Variants in TGFB3 observed in about 807,000 individuals in gnomAD.
TGFB3 encodes the protein transforming growth factor beta-3 proprotein.
In TGFB3, 5 loss-of-function variants were observed where a neutral mutation model predicts 40.1. The observed-to-expected ratio is 0.12, with a 90% CI of 0.07 to 0.26. The LOEUF (loss-of-function observed/expected upper bound fraction) is 0.26. Ranked by LOEUF, TGFB3 falls within the 10% of genes least tolerant of loss-of-function variation. TGFB3 has a pLI of 1.00. For missense variants in TGFB3, 373 were observed against 530.1 expected, an observed-to-expected ratio of 0.70 and a Z score of 2.91; for synonymous variants, 184 against 205.6, an observed-to-expected ratio of 0.89 and a Z score of 0.90.
In TGFB3 at chr14:75,971,678, A is replaced by C; in HGVS notation, c.393T>G (p.Val131=). Residue 131 remains valine (V), a synonymous_variant, in exon 2 of 7, where the codon GTT becomes GTG. Transcript: ENST00000238682. This position sits in a 1 kb window ranked among gnomAD's most constrained non-coding sequence, Gnocchi z 4.5. ...AVCPKGITSK[V]FRFNVSSVEK... is the part of the protein sequence containing the mutation. ...CCACTGAGGACACATTGAAGCGGAA[A>C]ACCTTGGAGGTAATTCCTTTAGGGC... 2 of 1,614,266 alleles carry C rather than the reference A, an allele frequency of 1.2e-6. No homozygotes were observed. The highest frequency in any genetic ancestry group is 4.5e-5 in the East Asian group (2 of 44,892).
At chr14:75,961,206 G>C in intron 5 of TGFB3, 130 bp from the exon 6 acceptor site, 1 of 1,057,282 alleles carries the variant, frequency 9.5e-7, no homozygotes, top group South Asian at 1.4e-5. Context: ...GGAATCCCAG[G>C]TTCAAGGGCA....
intron 4 of TGFB3, 110 bp downstream of exon 4, chr14:75,965,478 G>T: frequency 1.1e-6 from 1 of 908,848 alleles, no homozygotes; most frequent in Non-Finnish European, 1.8e-6. Context: ...CTATCTCTCT[G>T]AAGGAGCTTG....
Position 75,958,998 on chromosome 14 carries a change from C to A in TGFB3, c.*189G>T. On this transcript the variant is annotated 3_prime_UTR_variant, in exon 7 of 7. Coordinates refer to ENST00000238682, the MANE Select transcript of TGFB3 (RefSeq NM_003239.5). ...CTAACCAAACCCACACTTTCTTTAC[C>A]ACCGTGATTCTCAGAGCCAGCAAGA... The A allele has an allele frequency of 1.4e-6, 1 of 700,822 alleles. No individual in the cohort carries two copies. Among genetic ancestry groups the A allele is most frequent in the South Asian group, 1.6e-5 (1 of 61,260 alleles). 43.4% of individuals were successfully genotyped at this position (700,822 alleles called of 1,614,324 possible).
intron 4 of TGFB3, among the ~76,000 whole-genome samples, chr14:75,964,093 C>T (rs2035192874): frequency 6.6e-6 from 1 of 152,168 alleles, no homozygotes; most frequent in Non-Finnish European, 1.5e-5. Flanking sequence ...CCAGGCTGGT[C>T]TCGAACTCCT....
chr14:75,958,833 C>A lies in TGFB3; in HGVS notation c.*354G>T, dbSNP rs1259311155. On this transcript the variant is annotated 3_prime_UTR_variant, in exon 7 of 7. Transcript: ENST00000238682. Reference sequence around the variant, plus strand: ...CCAGTCTGGCCCTGACCCAGCCATTCTCTGCCCTTCCTTCTCCCTTTAGGG... The same window carrying A: ...CCAGTCTGGCCCTGACCCAGCCATTATCTGCCCTTCCTTCTCCCTTTAGGG... 5 of 361,616 alleles carry A rather than the reference C, an allele frequency of 1.4e-5. No homozygotes were observed. The highest frequency in any genetic ancestry group is 2.2e-5 in the Non-Finnish European group (4 of 185,856). 22.4% of individuals were successfully genotyped at this position (361,616 alleles called of 1,614,324 possible). A position where few individuals can be genotyped will look rare whatever the true frequency, so the allele number is the denominator to read the frequency against.
intron 1 of TGFB3, among the ~76,000 whole-genome samples, chr14:75,976,824 C>G (rs371043474): frequency 2.9e-4 from 44 of 152,268 alleles, no homozygotes; most frequent in African/African-American, 1.0e-3. Flanking sequence ...GCATTTCCTG[C>G]CGGGTCTCTG....
chr14:75,975,165 C>T (rs543243173), intron 1 of TGFB3, among the ~76,000 whole-genome samples: 15 of 150,074 alleles, frequency 1.0e-4, no homozygotes, highest in Non-Finnish European at 1.6e-4. Flanking sequence ...GTCAGGAGTT[C>T]GAGACCAGCC....
In TGFB3 at chr14:75,963,473, C is replaced by A. The variant is rs2035184083; in HGVS notation, c.769G>T (p.Asp257Tyr). The A allele has an allele frequency of 5.0e-6, 8 of 1,614,044 alleles. No homozygotes were observed. Among genetic ancestry groups the A allele is most frequent in the African/African-American group, 1.3e-5 (1 of 74,922 alleles). Residue 257 changes from aspartate (D) to tyrosine (Y), a missense_variant, in exon 5 of 7, where the codon GAT (aspartate) becomes TAT (tyrosine). By Grantham distance (160) the Asp-to-Tyr change is radical (BLOSUM62 -3). Coordinates refer to ENST00000238682, the MANE Select transcript of TGFB3 (RefSeq NM_003239.5). ...EIKFKGVDNE[D>Y]DHGRGDLGRL... ...CCCAGATCTCCACGGCCATGGTCAT[C>A]CTCATTGTCCACGCCTGAAGAAGGG...
In TGFB3 at chr14:75,958,452, G is replaced by C. The variant is rs915524065; in HGVS notation, c.*735C>G. The C allele has an allele frequency of 6.5e-6, 1 of 153,488 alleles. No individual in the cohort carries two copies. The highest frequency in any genetic ancestry group is 1.5e-5 in the Non-Finnish European group (1 of 68,818). 9.5% of individuals were successfully genotyped at this position (153,488 alleles called of 1,614,324 possible). ...CAAGTGTCCAAGGGGAAATATGATCGAGGGAGAGGTGAGAGGAGGGACCCA... is the reference window on the plus strand; with the variant it reads ...CAAGTGTCCAAGGGGAAATATGATCCAGGGAGAGGTGAGAGGAGGGACCCA... On this transcript the variant is annotated 3_prime_UTR_variant, in exon 7 of 7. Transcript: ENST00000238682.
intron 6 of TGFB3, among the ~76,000 whole-genome samples, chr14:75,960,677 G>A (rs565887099): frequency 4.4e-4 from 67 of 152,218 alleles, no homozygotes; most frequent in Admixed American, 1.2e-3. Context: ...TAATTTCTAC[G>A]GTACAGAGAG....
intron 5 of TGFB3, 115 bp downstream of exon 5, chr14:75,963,201 T>C (rs757256706): frequency 1.9e-5 from 22 of 1,165,558 alleles, no homozygotes; most frequent in Admixed American, 1.6e-4. Flanking sequence ...CCTGGAGATG[T>C]TTGTGAATAG....
Position 75,980,945 on chromosome 14 carries a change from G to T in TGFB3, c.-52C>A. 1 of 1,538,496 alleles carries T rather than the reference G, an allele frequency of 6.5e-7. No homozygotes were observed. Among genetic ancestry groups the T allele is most frequent in the South Asian group, 1.1e-5 (1 of 89,382 alleles). On this transcript the variant is annotated 5_prime_UTR_variant, in exon 1 of 7. Transcript: ENST00000238682. This position sits in a 1 kb window ranked among gnomAD's most constrained non-coding sequence, Gnocchi z 4.3. ...GGACGGCAAGGCCTGGAGAGGAAGA[G>T]ACCCCAGCAGACGTGCAGAAGGAGG...
At position 75,980,759 on chromosome 14, in the gene TGFB3, T is replaced by A. The variant is rs759608485; in HGVS notation, c.135A>T (p.Gly45=). ...TGAGCCTGAGCTTGCTCAAGATCTG[T>A]CCCCTAATGGCTTCCACCCTCTTCT... ...IKKKRVEAIR[G]QILSKLRLTS... The change falls in exon 1 of 7, where the codon GGA becomes GGT. Residue 45 remains glycine, a synonymous_variant. Coordinates refer to ENST00000238682, the MANE Select transcript of TGFB3 (RefSeq NM_003239.5). The surrounding 1 kb of genome is among the most constrained non-coding windows in gnomAD (Gnocchi z 4.3). 2 of 1,614,122 alleles carry A rather than the reference T, an allele frequency of 1.2e-6. No individual in the cohort carries two copies. Among genetic ancestry groups the A allele is most frequent in the Non-Finnish European group, 1.7e-6 (2 of 1,180,022 alleles).
intron 1 of TGFB3, among the ~76,000 whole-genome samples, chr14:75,973,669 C>A (rs1236716464): frequency 6.6e-6 from 1 of 152,222 alleles, no homozygotes; most frequent in East Asian, 1.9e-4. Context: ...ATCACTTGAG[C>A]TCGGGAGGTC....
chr14:75,981,194 G>GGGCTGGGAGGGGTGGCAAGGC lies in TGFB3; in HGVS notation c.-322_-302dup, dbSNP rs1377280068. On this transcript the variant is annotated 5_prime_UTR_variant, in exon 1 of 7. Coordinates refer to ENST00000238682, the MANE Select transcript of TGFB3 (RefSeq NM_003239.5). The surrounding 1 kb of genome is among the most constrained non-coding windows in gnomAD (Gnocchi z 4.7). Reference sequence around the variant, plus strand: ...GCAGGCCAGGTGGAGGGCAAGCAGAGGGCTGGGAGGGGTGGCAAGGCAGCT... The same window carrying GGGCTGGGAGGGGTGGCAAGGC: ...GCAGGCCAGGTGGAGGGCAAGCAGAGGGCTGGGAGGGGTGGCAAGGCGGCTGGGAGGGGTGGCAAGGCAGCT... 4.5e-6 allele frequency: 2 copies of GGGCTGGGAGGGGTGGCAAGGC among 444,002 alleles called. No individual in the cohort carries two copies. Among genetic ancestry groups the GGGCTGGGAGGGGTGGCAAGGC allele is most frequent in the African/African-American group, 2.0e-5 (1 of 50,286 alleles). 27.5% of individuals were successfully genotyped at this position (444,002 alleles called of 1,614,324 possible).
intron 4 of TGFB3, among the ~76,000 whole-genome samples, chr14:75,965,050 CCAAACACCCCGGGGA>C (rs1447566818): frequency 6.6e-6 from 1 of 152,170 alleles, no homozygotes; most frequent in Non-Finnish European, 1.5e-5. Flanking sequence ...CCATCTCTAC[CCAAACACCCCGGGGA>C]CAAACACCCT....
rs534535334 is a variant in TGFB3 at position 75,971,469 on chromosome 14, C to G, written c.516+86G>C. 41 of 1,584,432 alleles carry G rather than the reference C, an allele frequency of 2.6e-5. No homozygotes were observed. In the East Asian group the frequency reaches 9.4e-4, roughly 36 times the overall value. Reference sequence around the variant, plus strand: ...AAGCCAGGATTCAAACCCAGGTCTGCCAAACGCTGCACCCAGTGGTGCCCT... The same window carrying G: ...AAGCCAGGATTCAAACCCAGGTCTGGCAAACGCTGCACCCAGTGGTGCCCT... On this transcript the variant is annotated intron_variant, in intron 2 of 6. Coordinates refer to ENST00000238682, the MANE Select transcript of TGFB3 (RefSeq NM_003239.5). The surrounding 1 kb of genome is among the most constrained non-coding windows in gnomAD (Gnocchi z 4.5).
chr14:75,960,855 C>T, intron 6 of TGFB3, 68 bp downstream of exon 6: 1 of 1,601,152 alleles, frequency 6.2e-7, no homozygotes, highest in South Asian at 1.1e-5. Flanking sequence ...ATCCTTCACT[C>T]ATTCTTTTTA....
intron 1 of TGFB3, among the ~76,000 whole-genome samples, chr14:75,977,424 C>T (rs1315465252): frequency 6.6e-6 from 1 of 152,122 alleles, no homozygotes; most frequent in Non-Finnish European, 1.5e-5. Flanking sequence ...GAGTCTTGCC[C>T]ATACTCCCCA....
Sources: allele counts gnomAD v4.1 joint callset (sites outside exome capture counted in the v4.1 genomes callset), GRCh38; gene constraint gnomAD v4.1.1; non-coding constraint Gnocchi (gnomAD v3.1); transcripts MANE v1.5; gene names NCBI Gene and HGNC (gene_info 2026-07-23, HGNC 2026-07-21).